SPIDR: variants seen among roughly 807,000 people sequenced by gnomAD.
The protein encoded by SPIDR is DNA repair-scaffolding protein.
A neutral mutation model predicts 104.6 loss-of-function variants in SPIDR; 93 were observed. That is an observed-to-expected ratio of 0.89 (90% confidence interval 0.75 to 1.06). The LOEUF (loss-of-function observed/expected upper bound fraction) is 1.06. Among genes scored for constraint, SPIDR ranks in the 50% least tolerant of loss-of-function variants. The probability of loss-of-function intolerance (pLI) is 0.00; values close to 1 mark genes in which losing one functional copy is unlikely to be tolerated. For synonymous variants in SPIDR, 431 were observed against 416.9 expected (o/e 1.03, Z -0.41); for missense variants, 1,154 against 1,111.2 (o/e 1.04, Z -0.55).
At chr8:47,565,992 A>ATATATATATATATATATATATAT (rs1554802202) in intron 8 of SPIDR, among the ~76,000 whole-genome samples, 4 of 14,950 alleles carry the variant, frequency 2.7e-4, no homozygotes, top group Non-Finnish European at 5.9e-4. Flanking sequence ...ATATATATAT[A>ATATATATATATATATATATATAT]TTTTTTTTTT....
intron 8 of SPIDR, among the ~76,000 whole-genome samples, chr8:47,551,381 C>T (rs989264353): frequency 2.0e-5 from 3 of 152,174 alleles, no homozygotes; most frequent in Admixed American, 6.5e-5. Context: ...TGGAATTTGG[C>T]TGTGAATCCA....
intron 5 of SPIDR, among the ~76,000 whole-genome samples, chr8:47,339,020 A>G (rs1554611849): frequency 1.3e-5 from 2 of 152,210 alleles, no homozygotes; most frequent in African/African-American, 4.8e-5. Context: ...CTTAGAGTGA[A>G]CCTTCATGAG....
chr8:47,527,185 T>C (rs1411129916), intron 8 of SPIDR, among the ~76,000 whole-genome samples: 1 of 152,162 alleles, frequency 6.6e-6, no homozygotes, highest in African/African-American at 2.4e-5. Flanking sequence ...CATTTAACAG[T>C]ATACCGGAGC....
At chr8:47,320,374 T>C (rs1245306827) in intron 5 of SPIDR, among the ~76,000 whole-genome samples, 2 of 152,084 alleles carry the variant, frequency 1.3e-5, no homozygotes, top group Admixed American at 6.6e-5. Context: ...CCTGGACACA[T>C]ACACCCTCCC....
At chr8:47,598,006 C>G (rs1417638180) in intron 9 of SPIDR, among the ~76,000 whole-genome samples, 1 of 151,916 alleles carries the variant, frequency 6.6e-6, no homozygotes, top group Non-Finnish European at 1.5e-5. Context: ...GCCAGTCAAG[C>G]AAAATCTCTC....
intron 9 of SPIDR, among the ~76,000 whole-genome samples, chr8:47,596,751 A>G (rs745750751): frequency 6.6e-6 from 1 of 152,196 alleles, no homozygotes; most frequent in South Asian, 2.1e-4. Flanking sequence ...TTACTCTTTT[A>G]TAGCAACACT....
At chr8:47,305,166 A>T (rs920698266) in intron 5 of SPIDR, among the ~76,000 whole-genome samples, 1 of 152,242 alleles carries the variant, frequency 6.6e-6, no homozygotes, top group African/African-American at 2.4e-5. Context: ...GAGACATAGC[A>T]GTGAATTCTC....
intron 8 of SPIDR, among the ~76,000 whole-genome samples, chr8:47,551,430 T>G (rs1168410830): frequency 4.6e-5 from 7 of 152,194 alleles, no homozygotes; most frequent in African/African-American, 1.7e-4. Context: ...GACTATTAAT[T>G]ATTGCCTCAA....
chr8:47,713,936 C>A (rs1464379926), intron 16 of SPIDR, among the ~76,000 whole-genome samples: 1 of 152,134 alleles, frequency 6.6e-6, no homozygotes, highest in African/African-American at 2.4e-5. Flanking sequence ...AAGACAGGAG[C>A]CTCAAGCTGA....
intron 16 of SPIDR, among the ~76,000 whole-genome samples, chr8:47,726,697 G>A (rs2084293446): frequency 6.6e-6 from 1 of 152,164 alleles, no homozygotes; most frequent in African/African-American, 2.4e-5. Context: ...ACACGTCTCA[G>A]GTGTCTTTTC....
At position 47,735,463 on chromosome 8, in the gene SPIDR, G is replaced by A. The variant is rs377034261; in HGVS notation, c.*13G>A. The A allele has an allele frequency of 1.9e-6, 3 of 1,613,944 alleles. No homozygotes were observed. In the African/African-American group the frequency reaches 4.0e-5, roughly 22 times the overall value. ...TGCAGAACACTAGCGGTTGCCGCAG[G>A]ATCTGTGAACTTTGCAATGTGGCTG... On this transcript the variant is annotated 3_prime_UTR_variant, in exon 20 of 20. Transcript: ENST00000297423.
intron 10 of SPIDR, among the ~76,000 whole-genome samples, chr8:47,611,247 G>A (rs1456962745): frequency 2.0e-5 from 3 of 152,154 alleles, no homozygotes; most frequent in African/African-American, 7.2e-5. Context: ...CAGAGGTGAT[G>A]TCTAGTCTGT....
chr8:47,347,707 T>G (rs2052442494), intron 5 of SPIDR, among the ~76,000 whole-genome samples: 1 of 152,236 alleles, frequency 6.6e-6, no homozygotes, highest in African/African-American at 2.4e-5. Context: ...TGTAATGGCC[T>G]TCTTTGTCTC....
intron 8 of SPIDR, among the ~76,000 whole-genome samples, chr8:47,532,877 T>G (rs993716094): frequency 4.6e-5 from 7 of 152,226 alleles, no homozygotes; most frequent in African/African-American, 1.7e-4. Flanking sequence ...GACCAAATTC[T>G]GGACCATAAA....
At chr8:47,395,177 C>T (rs1437607248) in intron 5 of SPIDR, among the ~76,000 whole-genome samples, 13 of 151,918 alleles carry the variant, frequency 8.6e-5, no homozygotes, top group Admixed American at 2.6e-4. Context: ...GGTGAAACCC[C>T]GTCTCTACTA....
chr8:47,527,155 C>T (rs760357811), intron 8 of SPIDR, among the ~76,000 whole-genome samples: 25 of 152,008 alleles, frequency 1.6e-4, no homozygotes, highest in Non-Finnish European at 2.8e-4. Context: ...GTGCTTGTAT[C>T]GGGGGAAGGG....
intron 10 of SPIDR, among the ~76,000 whole-genome samples, chr8:47,671,653 A>G (rs927451963): frequency 6.6e-6 from 1 of 152,072 alleles, no homozygotes; most frequent in African/African-American, 2.4e-5. Flanking sequence ...TCCTTATTTT[A>G]CCATCATTCT....
chr8:47,275,925 C>G (rs1246944083), intron 1 of SPIDR, among the ~76,000 whole-genome samples: 1 of 152,172 alleles, frequency 6.6e-6, no homozygotes, highest in Non-Finnish European at 1.5e-5. Flanking sequence ...GGTGCGATCA[C>G]AGCTCACTGC....
chr8:47,363,199 C>CTTTTTTT (rs34705214), intron 5 of SPIDR, among the ~76,000 whole-genome samples: 14 of 79,712 alleles, frequency 1.8e-4, no homozygotes, highest in Non-Finnish European at 2.5e-4. Context: ...CTTTATCTCT[C>CTTTTTTT]TTTTTTTTTT....
Sources: gnomAD v4.1 joint callset for allele counts (sites outside exome capture counted in the v4.1 genomes callset) on GRCh38, gnomAD v4.1.1 for gene constraint, MANE v1.5 for transcripts, NCBI Gene and HGNC (gene_info 2026-07-23, HGNC 2026-07-21) for gene names.